TPH1: variants seen among roughly 807,000 people sequenced by gnomAD.
The protein encoded by TPH1 is tryptophan hydroxylase 1, also known as tryptophan 5-hydroxylase 1.
TPH1 carries 37 observed loss-of-function variants against 49.5 expected under a neutral mutation model. That is an observed-to-expected ratio of 0.75 (90% confidence interval 0.58 to 0.98). The LOEUF (loss-of-function observed/expected upper bound fraction) is 0.98, where lower values mean the gene tolerates loss of function less well. Ranked by LOEUF, TPH1 falls within the 50% of genes least tolerant of loss-of-function variation. The pLI is 0.00. For synonymous variants in TPH1, 160 were observed against 182.1 expected, an observed-to-expected ratio of 0.88 and a Z score of 0.98; for missense variants, 487 against 523.6, an observed-to-expected ratio of 0.93 and a Z score of 0.68.
chr11:18,036,971 G>A (rs1263470395), intron 2 of TPH1, among the ~76,000 whole-genome samples: 3 of 152,092 alleles, frequency 2.0e-5, no homozygotes, highest in East Asian at 1.9e-4. Flanking sequence ...AAGAGTGTTC[G>A]GATGCAGGTG....
rs1317306334 is a variant in TPH1, at chr11:18,019,864, T to C, written c.*1127A>G. ...GCTGACTCTGCATAAAAACCATTCC[T>C]TGGCAATCCTTACATTACTTACAGT... is the stretch of plus-strand genomic sequence containing the variant. On this transcript the variant is annotated 3_prime_UTR_variant, in exon 11 of 11. Coordinates refer to ENST00000682019, the MANE Select transcript of TPH1 (RefSeq NM_004179.3). The C allele has an allele frequency of 2.5e-6, 1 of 397,968 alleles. No individual in the cohort carries two copies. Among genetic ancestry groups the C allele is most frequent in the Non-Finnish European group, 5.0e-6 (1 of 200,402 alleles). The allele number at this position is 397,968 out of a possible 1,614,324, so 24.7% of individuals were successfully genotyped here.
intron 10 of TPH1, among the ~76,000 whole-genome samples, chr11:18,021,455 C>T (rs1023017242): frequency 6.6e-6 from 1 of 152,146 alleles, no homozygotes; most frequent in Non-Finnish European, 1.5e-5. Context: ...ATTTCTTAAT[C>T]ATTTATTACT....
rs60273374 is a variant in TPH1 at position 18,019,646 on chromosome 11, AAGT to A, written c.*1342_*1344del. On this transcript the variant is annotated 3_prime_UTR_variant, in exon 11 of 11. Coordinates refer to ENST00000682019, the MANE Select transcript of TPH1 (RefSeq NM_004179.3). ...GAGGAGTCATTCAAAATAAGAACTG[AAGT>A]CATGTATCTGGGTGACATTCCCCAT... The A allele has an allele frequency of 4.4e-3, 2,000 of 459,396 alleles. 35 individuals carry two copies. In the East Asian group the frequency reaches 0.056, roughly 13 times the overall value. 28.5% of individuals were successfully genotyped at this position (459,396 alleles called of 1,614,324 possible).
rs796544501 is a variant in TPH1, at chr11:18,017,708, T to C, written c.*3283A>G. On this transcript the variant is annotated 3_prime_UTR_variant, in exon 11 of 11. Coordinates refer to ENST00000682019, the MANE Select transcript of TPH1 (RefSeq NM_004179.3). ...GAATTAACATATGGACTCTATCATA[T>C]GTTCCTTTAGAGAATTCAGGATTTT... 4.6e-5 allele frequency: 7 copies of C among 152,238 alleles called. No homozygotes were observed. The highest frequency in any genetic ancestry group is 2.1e-4 in the South Asian group (1 of 4,838). 9.4% of individuals were successfully genotyped at this position (152,238 alleles called of 1,614,324 possible). A position where few individuals can be genotyped will look rare whatever the true frequency, so the allele number is the denominator to read the frequency against.
chr11:18,042,005 T>C (rs1848102375), intron 1 of TPH1, among the ~76,000 whole-genome samples: 2 of 152,174 alleles, frequency 1.3e-5, no homozygotes, highest in South Asian at 4.2e-4. Context: ...TAAGTACAAA[T>C]AAGCAGAAAA....
chr11:18,029,690 T>C (rs948902106), intron 4 of TPH1, 111 bp from the exon 5 acceptor site: 5 of 837,894 alleles, frequency 6.0e-6, no homozygotes, highest in Non-Finnish European at 3.9e-6. Context: ...GGCTACATAA[T>C]TGATACTATG....
Position 18,022,986 on chromosome 11 carries a change from T to C in TPH1, c.1027-55A>G, listed in dbSNP as rs112617080. 2.2e-4 allele frequency: 347 copies of C among 1,592,682 alleles called. 1 individual carries two copies. In the African/African-American group the frequency reaches 4.1e-3, roughly 19 times the overall value. On this transcript the variant is annotated intron_variant, in intron 9 of 10. Transcript: ENST00000682019. Reference sequence around the variant, plus strand: ...AATAATATCTATTTTTCATAGATCATGCAACTTCCATAATTGGCTCACCTC... The same window carrying C: ...AATAATATCTATTTTTCATAGATCACGCAACTTCCATAATTGGCTCACCTC...
At chr11:18,025,911 A>G (rs1019171096) in intron 7 of TPH1, among the ~76,000 whole-genome samples, 5 of 152,036 alleles carry the variant, frequency 3.3e-5, no homozygotes, top group African/African-American at 1.2e-4. Context: ...CACATCAGAT[A>G]CCTATGGACA....
intron 1 of TPH1, chr11:18,042,355 G>A (rs772613025): frequency 8.6e-5 from 39 of 453,756 alleles, no homozygotes; most frequent in East Asian, 6.3e-4. Context: ...TTTCAGAAAC[G>A]TTTCTTACCC....
intron 7 of TPH1, 69 bp downstream of exon 7, chr11:18,026,420 AC>A: frequency 4.9e-6 from 6 of 1,216,000 alleles, no homozygotes; most frequent in South Asian, 4.1e-5. Context: ...AAAAAAAAGA[AC>A]CCATAAGGTA....
rs1198147122 is a variant in TPH1 at position 18,033,282 on chromosome 11, C to T, written c.394G>A (p.Asp132Asn). ...VLMYGSELDA[D>N]HPGFKDNVYR... The stretch of plus-strand genomic sequence containing the variant: ...AAAAAGAAAATACTTACAGGATGGT[C>T]TGCATCTAGTTCAGATCCATACATC... The change falls in exon 4 of 11, where the codon GAC (aspartate) becomes AAC (asparagine). Residue 132 changes from aspartate to asparagine, a missense_variant. Transcript: ENST00000682019. The T allele has an allele frequency of 6.2e-7, 1 of 1,612,078 alleles. No homozygotes were observed. The highest frequency in any genetic ancestry group is 8.5e-7 in the Non-Finnish European group (1 of 1,178,252).
At chr11:18,040,399 T>C (rs1848088514) in intron 2 of TPH1, among the ~76,000 whole-genome samples, 1 of 149,974 alleles carries the variant, frequency 6.7e-6, no homozygotes, top group African/African-American at 2.4e-5. Context: ...AATCTCACTC[T>C]GATACCTAGG....
chr11:18,044,574 T>C (rs1848125420), intron 1 of TPH1, among the ~76,000 whole-genome samples: 1 of 151,702 alleles, frequency 6.6e-6, no homozygotes, highest in African/African-American at 2.4e-5. Context: ...TTACAGGACA[T>C]AGATCTTTGA....
Position 18,028,488 on chromosome 11 carries a change from C to T in TPH1, c.667+677G>A, listed in dbSNP as rs901800947. The stretch of plus-strand genomic sequence containing the variant: ...GAAGTTTCTATCCAACAGTCCTTTA[C>T]TTTAGAGTCGCACAGTAATCCCTCT... On this transcript the variant is annotated intron_variant, in intron 6 of 10. Transcript: ENST00000682019. Among the ~76,000 whole-genome samples, 57 of 152,296 alleles carry T rather than the reference C, an allele frequency of 3.7e-4. 1 individual carries two copies. Among genetic ancestry groups the T allele is most frequent in the Non-Finnish European group, 7.1e-4 (48 of 68,016 alleles).
chr11:18,031,356 T>C (rs1195309787), intron 4 of TPH1, among the ~76,000 whole-genome samples: 1 of 152,222 alleles, frequency 6.6e-6, no homozygotes, highest in Non-Finnish European at 1.5e-5. Context: ...GCTTCATCCA[T>C]TTATCAGTTA....
intron 2 of TPH1, among the ~76,000 whole-genome samples, chr11:18,040,117 T>A (rs894657194): frequency 6.7e-6 from 1 of 149,232 alleles, no homozygotes. Context: ...AATTTTAATA[T>A]TTTATTAAAA....
At chr11:18,039,903 G>T (rs1246180451) in intron 2 of TPH1, among the ~76,000 whole-genome samples, 1 of 151,962 alleles carries the variant, frequency 6.6e-6, no homozygotes, top group Non-Finnish European at 1.5e-5. Context: ...TTACCAGATA[G>T]TTTCCCTACA....
In TPH1 at chr11:18,033,376, T is replaced by C. The variant is rs762474362; in HGVS notation, c.302-2A>G. 6.2e-7 allele frequency: 1 copy of C among 1,600,296 alleles called. No homozygotes were observed. ...GAAACCAAGGAACAGTTTCCATACC[T>C]GTAAAATTTAAAATAAAATAAAATA... On this transcript the variant is annotated splice_acceptor_variant, in intron 3 of 10. Transcript: ENST00000682019. LOFTEE classifies it high-confidence loss of function.
rs768192529 is a variant in TPH1 at position 18,026,487 on chromosome 11, T to TA, written c.803+2dup. 10 of 1,612,760 alleles carry TA rather than the reference T, an allele frequency of 6.2e-6. No individual in the cohort carries two copies. The East Asian group carries it at 1.1e-4, about 18-fold the overall frequency. On this transcript the variant is annotated splice_region_variant and intron_variant, in intron 7 of 10. Transcript: ENST00000682019. Reference sequence around the variant, plus strand: ...AATTCCTGGCTGAAATAGAAGTACTTACGGCTCTGGGGTATAGAAGGGATC... The same window carrying TA: ...AATTCCTGGCTGAAATAGAAGTACTTAACGGCTCTGGGGTATAGAAGGGATC...
Sources: allele counts gnomAD v4.1 joint callset (sites outside exome capture counted in the v4.1 genomes callset), GRCh38; gene constraint gnomAD v4.1.1; transcripts MANE v1.5; gene names NCBI Gene and HGNC (gene_info 2026-07-23, HGNC 2026-07-21).